The following RALYL variants were observed in gnomAD, a reference collection of about 807,000 sequenced individuals.
The protein encoded by RALYL is RNA-binding Raly-like protein.
Under a neutral mutation model 35.1 loss-of-function variants are expected in RALYL, and 29 were observed. The observed-to-expected ratio is 0.83, with a 90% CI of 0.61 to 1.13. The LOEUF (loss-of-function observed/expected upper bound fraction) is 1.13. RALYL is among the 50% of genes most tolerant of loss of function. The probability of loss-of-function intolerance (pLI) is 0.00; values close to 1 mark genes in which losing one functional copy is unlikely to be tolerated. For missense variants in RALYL, 359 were observed against 360.4 expected (o/e 1.00, Z 0.03); for synonymous variants, 120 against 127.6 (o/e 0.94, Z 0.40).
intron 1 of RALYL, among the ~76,000 whole-genome samples, chr8:84,429,921 A>G (rs2046959316): frequency 6.6e-6 from 1 of 151,834 alleles, no homozygotes; most frequent in Non-Finnish European, 1.5e-5. Context: ...ACTTATACGT[A>G]TTGCCCCTCT....
At chr8:84,342,207 C>A (rs1176750469) in intron 1 of RALYL, among the ~76,000 whole-genome samples, 1 of 143,028 alleles carries the variant, frequency 7.0e-6, no homozygotes, top group Admixed American at 7.1e-5. Context: ...CTATTAATGT[C>A]AGTCAAGTTC....
At chr8:84,628,077 T>C (rs137987716) in intron 2 of RALYL, among the ~76,000 whole-genome samples, 129 of 152,240 alleles carry the variant, frequency 8.5e-4, no homozygotes, top group Admixed American at 2.1e-3. Context: ...CATTGTGTAA[T>C]ACCTTTCAAT....
At chr8:84,569,958 G>A (rs933579318) in intron 2 of RALYL, among the ~76,000 whole-genome samples, 1 of 151,674 alleles carries the variant, frequency 6.6e-6, no homozygotes, top group African/African-American at 2.4e-5. Flanking sequence ...GTACATTTTT[G>A]TGCTAGTACC....
chr8:84,473,021 T>C lies in RALYL; in HGVS notation c.-23-56278T>C, dbSNP rs115445004. Among the ~76,000 whole-genome samples the C allele has an allele frequency of 2.9e-3, 438 of 152,176 alleles. 4 individuals carry two copies. Among genetic ancestry groups the C allele is most frequent in the African/African-American group, 9.9e-3 (412 of 41,552 alleles). On this transcript the variant is annotated intron_variant, in intron 1 of 8. Transcript: ENST00000521268. ...CTGTCACTCAAAAGTGGTGAAAAAA[T>C]TAGGAAGCTTTAAATAAATTCCTTG...
At chr8:84,600,180 C>T (rs1180365883) in intron 2 of RALYL, among the ~76,000 whole-genome samples, 1 of 152,010 alleles carries the variant, frequency 6.6e-6, no homozygotes, top group Admixed American at 6.6e-5. Flanking sequence ...TACTATTTTG[C>T]TTTTTCCCTT....
At chr8:84,417,233 G>A (rs1241210355) in intron 1 of RALYL, among the ~76,000 whole-genome samples, 1 of 152,028 alleles carries the variant, frequency 6.6e-6, no homozygotes, top group African/African-American at 2.4e-5. Context: ...AGATACTGTT[G>A]GAGACTAGTG....
intron 1 of RALYL, among the ~76,000 whole-genome samples, chr8:84,356,954 G>C (rs1250193413): frequency 6.6e-6 from 1 of 152,076 alleles, no homozygotes; most frequent in African/African-American, 2.4e-5. Context: ...CAGCAGCAGT[G>C]ATGCAGACTG....
intron 2 of RALYL, among the ~76,000 whole-genome samples, chr8:84,706,473 A>G (rs1352921704): frequency 1.3e-5 from 2 of 152,094 alleles, no homozygotes; most frequent in Non-Finnish European, 2.9e-5. Context: ...TTCAATTACA[A>G]CTCTTAGGGA....
chr8:84,276,122 A>G (rs958296893), intron 1 of RALYL, among the ~76,000 whole-genome samples: 1 of 152,162 alleles, frequency 6.6e-6, no homozygotes, highest in Non-Finnish European at 1.5e-5. Context: ...GTCAAACTCC[A>G]TTGGTAATAC....
At chr8:84,426,735 G>C (rs985597246) in intron 1 of RALYL, among the ~76,000 whole-genome samples, 1 of 152,052 alleles carries the variant, frequency 6.6e-6, no homozygotes, top group Non-Finnish European at 1.5e-5. Context: ...TCAGAGAAAT[G>C]CAAATCAAAA....
chr8:84,846,826 T>A (rs942907757), intron 4 of RALYL, among the ~76,000 whole-genome samples: 1 of 152,202 alleles, frequency 6.6e-6, no homozygotes, highest in African/African-American at 2.4e-5. Flanking sequence ...TTTCTGAGGA[T>A]CTTTTGTATT....
At chr8:84,765,175 T>C (rs539214755) in intron 2 of RALYL, among the ~76,000 whole-genome samples, 3 of 152,238 alleles carry the variant, frequency 2.0e-5, no homozygotes, top group Admixed American at 1.3e-4. Flanking sequence ...CCTTTAATCA[T>C]GCATCCTCCC....
Position 84,774,636 on chromosome 8 carries a change from C to T in RALYL, c.314C>T (p.Pro105Leu), listed in dbSNP as rs1292040997. 1.2e-6 allele frequency: 2 copies of T among 1,608,468 alleles called. No homozygotes were observed. Among genetic ancestry groups the T allele is most frequent in the Middle Eastern group, 1.6e-4 (1 of 6,080 alleles). ...AGACCAAAACCTGGAAACAAGAGGC[C>T]CCTTTCTGCACTTTACAGGTAAGTA... ...PYRPKPGNKR[P>L]LSALYRLESK... Residue 105 changes from proline to leucine, a missense_variant, in exon 3 of 9, where the codon CCC (proline) becomes CTC (leucine). Physicochemically the swap from Pro to Leu is moderately conservative, Grantham distance 98. Transcript: ENST00000521268.
intron 2 of RALYL, among the ~76,000 whole-genome samples, chr8:84,677,546 T>A (rs1834459122): frequency 6.6e-6 from 1 of 152,128 alleles, no homozygotes; most frequent in Non-Finnish European, 1.5e-5. Context: ...ATTTTTTGAA[T>A]CAGAAAAGTG....
intron 2 of RALYL, among the ~76,000 whole-genome samples, chr8:84,612,183 A>G (rs536828954): frequency 1.3e-5 from 2 of 151,926 alleles, no homozygotes; most frequent in Non-Finnish European, 2.9e-5. Flanking sequence ...AGTGAGATTT[A>G]TTTATTATTT....
chr8:84,518,977 T>C (rs1350475637), intron 1 of RALYL, among the ~76,000 whole-genome samples: 1 of 152,222 alleles, frequency 6.6e-6, no homozygotes, highest in Non-Finnish European at 1.5e-5. Flanking sequence ...TGGAGAAAGA[T>C]GTTTTATTCA....
chr8:84,665,516 C>A (rs749741554), intron 2 of RALYL, among the ~76,000 whole-genome samples: 7 of 152,038 alleles, frequency 4.6e-5, no homozygotes, highest in Non-Finnish European at 1.5e-5. Flanking sequence ...GATTCAATTT[C>A]TTCCTGCTTC....
In RALYL at chr8:84,536,808, T is replaced by C. The variant is rs191903835; in HGVS notation, c.256+7231T>C. Among the ~76,000 whole-genome samples the C allele has an allele frequency of 6.6e-5, 10 of 152,326 alleles. No individual in the cohort carries two copies. In the East Asian group the frequency reaches 1.9e-3, roughly 29 times the overall value. ...TCTTAACTTGATAGGTTAACAAAAC[T>C]TCCACTCTCGAAGATACAAATCAAA... On this transcript the variant is annotated intron_variant, in intron 2 of 8. Coordinates refer to ENST00000521268, the MANE Select transcript of RALYL (RefSeq NM_173848.7).
chr8:84,256,363 C>CCAA (rs1554591185), intron 1 of RALYL, among the ~76,000 whole-genome samples: 1 of 151,496 alleles, frequency 6.6e-6, no homozygotes, highest in African/African-American at 2.4e-5. Flanking sequence ...TATTTTGCTA[C>CCAA]CTATTTTCAT....
Sources: allele counts gnomAD v4.1 joint callset (sites outside exome capture counted in the v4.1 genomes callset), GRCh38; gene constraint gnomAD v4.1.1; transcripts MANE v1.5; gene names NCBI Gene and HGNC (gene_info 2026-07-23, HGNC 2026-07-21).